Variants in ATAD2B observed in about 807,000 individuals in gnomAD.
ATAD2B encodes the protein ATPase family AAA domain-containing protein 2B.
In ATAD2B, 40 loss-of-function variants were observed where a neutral mutation model predicts 167.6. The observed-to-expected ratio is 0.24, with a 90% CI of 0.19 to 0.31. ATAD2B has a LOEUF of 0.31. Ranked by LOEUF, ATAD2B falls within the 10% of genes least tolerant of loss-of-function variation. The probability of loss-of-function intolerance (pLI) is 1.00; values close to 1 mark genes in which losing one functional copy is unlikely to be tolerated. For synonymous variants in ATAD2B, 579 were observed against 596.5 expected (o/e 0.97, Z 0.43); for missense variants, 1,242 against 1,757.2 (o/e 0.71, Z 5.24).
At chr2:23,796,596 C>A (rs1682666633) in intron 19 of ATAD2B, among the ~76,000 whole-genome samples, 1 of 152,166 alleles carries the variant, frequency 6.6e-6, no homozygotes, top group Non-Finnish European at 1.5e-5. Flanking sequence ...CTAGAACCCT[C>A]ATGTATCCCA....
the ATAD2B span, among the ~76,000 whole-genome samples, chr2:23,742,429 T>C: frequency 6.6e-6 from 1 of 151,760 alleles, no homozygotes; most frequent in Non-Finnish European, 1.5e-5. Context: ...CTGGAAACTA[T>C]CATTCTCAGC....
intron 6 of ATAD2B, among the ~76,000 whole-genome samples, chr2:23,882,204 T>G (rs1262421054): frequency 1.3e-5 from 2 of 151,810 alleles, no homozygotes; most frequent in African/African-American, 4.8e-5. Context: ...CTATTTTTTT[T>G]TTATTTTTAT....
At chr2:23,696,119 A>C in the ATAD2B span, 1 of 1,551,580 alleles carries the variant, frequency 6.4e-7, no homozygotes. The surrounding 1 kb of genome is among the most constrained non-coding windows in gnomAD (Gnocchi z 5.5). Context: ...GCAGGGGACA[A>C]CATCTACCTC....
intron 7 of ATAD2B, among the ~76,000 whole-genome samples, 200 bp downstream of exon 7, chr2:23,880,439 T>G (rs1697705795): frequency 1.3e-5 from 2 of 152,046 alleles, no homozygotes; most frequent in African/African-American, 4.8e-5. Flanking sequence ...GGCGGGCACC[T>G]GTAGTCCCAG....
At chr2:23,734,554 C>T in the ATAD2B span, among the ~76,000 whole-genome samples, 1 of 152,144 alleles carries the variant, frequency 6.6e-6, no homozygotes, top group African/African-American at 2.4e-5. Flanking sequence ...AGGAAACTTA[C>T]AAACATGGCA....
At chr2:23,725,242 A>G in the ATAD2B span, among the ~76,000 whole-genome samples, 1 of 152,324 alleles carries the variant, frequency 6.6e-6, no homozygotes, top group Admixed American at 6.5e-5. Flanking sequence ...TAAAGGCAAA[A>G]TAAAGAAATT....
In ATAD2B at chr2:23,783,037, G is replaced by A; in HGVS notation, c.2974-9C>T. On this transcript the variant is annotated splice_polypyrimidine_tract_variant and intron_variant, in intron 21 of 27. Transcript: ENST00000238789. ...TCAAGATAATCTGAAACCTAAAACA[G>A]ATATTTTAATAAAAATTACTTCCAG... 2 of 1,379,518 alleles carry A rather than the reference G, an allele frequency of 1.4e-6. No individual in the cohort carries two copies. The highest frequency in any genetic ancestry group is 2.0e-6 in the Non-Finnish European group (2 of 1,025,152). 85.5% of individuals were successfully genotyped at this position (1,379,518 alleles called of 1,614,324 possible).
At chr2:23,815,214 G>A (rs1394412788) in intron 17 of ATAD2B, among the ~76,000 whole-genome samples, 1 of 152,084 alleles carries the variant, frequency 6.6e-6, no homozygotes, top group African/African-American at 2.4e-5. Flanking sequence ...GCAAATGAGA[G>A]GAAAGATAAT....
At chr2:23,858,283 G>C (rs931565674) in intron 12 of ATAD2B, among the ~76,000 whole-genome samples, 1 of 151,664 alleles carries the variant, frequency 6.6e-6, no homozygotes, top group East Asian at 1.9e-4. Context: ...ACCATACCTG[G>C]CTAATTTTTG....
chr2:23,788,834 G>A (rs1681208417), intron 19 of ATAD2B, among the ~76,000 whole-genome samples, 187 bp from the exon 20 acceptor site: 1 of 151,968 alleles, frequency 6.6e-6, no homozygotes, highest in Admixed American at 6.6e-5. Context: ...GGCTAAACAG[G>A]AATGGAAGAA....
At chr2:23,766,545 C>A (rs936651975) in intron 22 of ATAD2B, among the ~76,000 whole-genome samples, 1 of 152,162 alleles carries the variant, frequency 6.6e-6, no homozygotes. Context: ...CTCAAAGGCA[C>A]CACTGATATT....
chr2:23,875,984 T>C, intron 7 of ATAD2B, 80 bp from the exon 8 acceptor site: 1 of 1,088,534 alleles, frequency 9.2e-7, no homozygotes. Flanking sequence ...AAATGACTTC[T>C]GCTCACTTTT....
chr2:23,887,540 A>C (rs1282511203), intron 4 of ATAD2B, among the ~76,000 whole-genome samples: 1 of 152,172 alleles, frequency 6.6e-6, no homozygotes, highest in African/African-American at 2.4e-5. Context: ...TCTCCAGGCT[A>C]TTGTAAAGAT....
chr2:23,730,783 A>T, the ATAD2B span, among the ~76,000 whole-genome samples: 1 of 151,906 alleles, frequency 6.6e-6, no homozygotes, highest in Non-Finnish European at 1.5e-5. Flanking sequence ...TATATTAGAA[A>T]AGAAAGTTCT....
chr2:23,782,323 C>T (rs1332778508), intron 22 of ATAD2B, among the ~76,000 whole-genome samples: 6 of 152,222 alleles, frequency 3.9e-5, no homozygotes, highest in Admixed American at 3.3e-4. Flanking sequence ...TAATAAATCA[C>T]CTCATTTTGT....
At chr2:23,696,634 T>C in the ATAD2B span, 1 of 756,268 alleles carries the variant, frequency 1.3e-6, no homozygotes, top group Non-Finnish European at 2.1e-6. This position sits in a 1 kb window ranked among gnomAD's most constrained non-coding sequence, Gnocchi z 5.5. Context: ...GGACCATTCA[T>C]ATGGGCAGTC....
chr2:23,892,250 G>A (rs1218999080), intron 2 of ATAD2B, among the ~76,000 whole-genome samples: 10 of 152,050 alleles, frequency 6.6e-5, no homozygotes, highest in African/African-American at 2.4e-4. Flanking sequence ...TGCAAGCCCC[G>A]CCTCCCTGGT....
At chr2:23,702,075 G>A in the ATAD2B span, among the ~76,000 whole-genome samples, 21 of 151,532 alleles carry the variant, frequency 1.4e-4, no homozygotes, top group Non-Finnish European at 2.4e-4. Flanking sequence ...CGCCCACCTC[G>A]GCCTCCCAAA....
At chr2:23,908,460 T>G (rs1701799951) in intron 1 of ATAD2B, among the ~76,000 whole-genome samples, 2 of 152,190 alleles carry the variant, frequency 1.3e-5, no homozygotes, top group Admixed American at 6.5e-5. Context: ...CCAGTTAGAA[T>G]GGCAATCATT....
Sources: gnomAD v4.1 joint callset for allele counts (sites outside exome capture counted in the v4.1 genomes callset) on GRCh38, gnomAD v4.1.1 for gene constraint, Gnocchi (gnomAD v3.1) non-coding constraint, MANE v1.5 for transcripts, NCBI Gene and HGNC (gene_info 2026-07-23, HGNC 2026-07-21) for gene names.